Variants in ATG2B observed in about 807,000 individuals in gnomAD.
ATG2B encodes the protein autophagy related 2B, also known as autophagy-related protein 2 homolog B.
In ATG2B, 121 loss-of-function variants were observed where a neutral mutation model predicts 241.3. The observed-to-expected ratio is 0.50, with a 90% CI of 0.43 to 0.58. ATG2B has a LOEUF of 0.58. ATG2B is among the 20% of genes least tolerant of loss of function. The probability of loss-of-function intolerance (pLI) is 0.00; values close to 1 mark genes in which losing one functional copy is unlikely to be tolerated. For synonymous variants in ATG2B, 858 were observed against 876.6 expected (o/e 0.98, Z 0.37); for missense variants, 2,306 against 2,491.6 (o/e 0.93, Z 1.59).
In ATG2B at chr14:96,282,903, ATTTT is replaced by A. The variant is rs1886236385; in HGVS notation, c.*2848_*2851del. ...CTTAGGCACACTGCTACTTGGAAAG[ATTTT>A]TTAAGTGAACTTTGCCTTATAAAAA... is the stretch of plus-strand genomic sequence containing the variant. On this transcript the variant is annotated 3_prime_UTR_variant, in exon 42 of 42. Coordinates refer to ENST00000359933, the MANE Select transcript of ATG2B (RefSeq NM_018036.7). 6.6e-6 allele frequency: 1 copy of A among 152,218 alleles called. No homozygotes were observed. The highest frequency in any genetic ancestry group is 1.5e-5 in the Non-Finnish European group (1 of 68,042). The allele number at this position is 152,218 out of a possible 1,614,324, so 9.4% of individuals were successfully genotyped here. A position where few individuals can be genotyped will look rare whatever the true frequency, so the allele number is the denominator to read the frequency against.
chr14:96,342,013 C>T (rs1256183236), intron 5 of ATG2B, among the ~76,000 whole-genome samples: 1 of 151,936 alleles, frequency 6.6e-6, no homozygotes, highest in African/African-American at 2.4e-5. Flanking sequence ...TGTAAAATAA[C>T]AAAAAAGGCA....
At position 96,347,892 on chromosome 14, in the gene ATG2B, A is replaced by G. The variant is rs537997365; in HGVS notation, c.163-551T>C. ...CCTCATACACTGTTGGTGGAATTGT[A>G]AATTATTACACCCACTATGGAGAAC... On this transcript the variant is annotated intron_variant, in intron 1 of 41. Coordinates refer to ENST00000359933, the MANE Select transcript of ATG2B (RefSeq NM_018036.7). 3.9e-3 allele frequency among the ~76,000 whole-genome samples: 589 copies of G among 152,344 alleles called. 6 individuals are homozygous for G. The highest frequency in any genetic ancestry group is 0.013 in the African/African-American group (544 of 41,576).
At chr14:96,304,869 C>CTA (rs1311717173) in intron 31 of ATG2B, among the ~76,000 whole-genome samples, 3 of 152,146 alleles carry the variant, frequency 2.0e-5, no homozygotes, top group Non-Finnish European at 4.4e-5. Flanking sequence ...ATGCTGGGAT[C>CTA]CGTATCACAG....
At chr14:96,288,106 T>C (rs1354746350) in intron 41 of ATG2B, among the ~76,000 whole-genome samples, 1 of 151,914 alleles carries the variant, frequency 6.6e-6, no homozygotes, top group African/African-American at 2.4e-5. Flanking sequence ...CACCCTCCCT[T>C]CCCTCATTCT....
intron 6 of ATG2B, among the ~76,000 whole-genome samples, chr14:96,338,933 G>C (rs116290113): frequency 0.011 from 1,709 of 151,918 alleles, 33 homozygotes; most frequent in African/African-American, 0.039. Context: ...AAACAAATCG[G>C]CAAGAAAAAA....
At chr14:96,358,753 T>C (rs1301891720) in intron 1 of ATG2B, among the ~76,000 whole-genome samples, 1 of 144,892 alleles carries the variant, frequency 6.9e-6, no homozygotes, top group Non-Finnish European at 1.6e-5. Flanking sequence ...ACCAGTCCTA[T>C]CAAGTATTTT....
intron 29 of ATG2B, among the ~76,000 whole-genome samples, chr14:96,308,280 A>T (rs374382790): frequency 0.15 from 4,219 of 28,584 alleles, 423 homozygotes; most frequent in African/African-American, 0.27. Context: ...ATATATATAT[A>T]TATTTTTTTT....
rs1436435708 is a variant in ATG2B, at chr14:96,328,693, G to T, written c.1955C>A (p.Ser652Tyr). The T allele has an allele frequency of 6.2e-7, 1 of 1,609,670 alleles. No individual in the cohort carries two copies. Among genetic ancestry groups the T allele is most frequent in the Middle Eastern group, 1.7e-4 (1 of 6,028 alleles). Reference sequence around the variant, plus strand: ...TCTTACCTGGGGCCCTCTATTCTCAGAATGCTTATAATGAAGCTGAAGACA... The same window carrying T: ...TCTTACCTGGGGCCCTCTATTCTCATAATGCTTATAATGAAGCTGAAGACA... ...PVCLQLHYKH[S>Y]ENRGPQGNQA... The change falls in exon 13 of 42, where the codon TCT becomes TAT. Residue 652 changes from serine (S) to tyrosine (Y), a missense_variant. Ser to Tyr is a moderately radical substitution (Grantham distance 144). Coordinates refer to ENST00000359933, the MANE Select transcript of ATG2B (RefSeq NM_018036.7).
rs1424446454 is a variant in ATG2B, at chr14:96,289,253, C to T, written c.6006+403G>A. Among the ~76,000 whole-genome samples, 1 of 152,160 alleles carries T rather than the reference C, an allele frequency of 6.6e-6. No individual in the cohort carries two copies. The highest frequency in any genetic ancestry group is 2.4e-5 in the African/African-American group (1 of 41,444). On this transcript the variant is annotated intron_variant, in intron 41 of 41. Coordinates refer to ENST00000359933, the MANE Select transcript of ATG2B (RefSeq NM_018036.7). This position sits in a 1 kb window ranked among gnomAD's most constrained non-coding sequence, Gnocchi z 4.3. ...AACATGTACAAAAAAATATGTTCCA[C>T]GTTCAGCATAGTGAAGGCATGGGAA...
rs116026484 is a variant in ATG2B, at chr14:96,317,747, A to G, written c.2988T>C (p.Asn996=). 3,091 of 1,613,078 alleles carry G rather than the reference A, an allele frequency of 1.9e-3. 70 individuals carry two copies. The African/African-American group carries it at 0.037, about 19-fold the overall frequency. ...IGLSVASQLI[N]TFNKDSFSAF... ...CACTAAAACTATCTTTGTTGAAAGT[A>G]TTAATGAGCTGACTGGCTACTGAAA... The change falls in exon 19 of 42, where the codon AAT becomes AAC. Residue 996 remains asparagine, a synonymous_variant. Coordinates refer to ENST00000359933, the MANE Select transcript of ATG2B (RefSeq NM_018036.7).
chr14:96,297,363 CAGAT>C (rs1173458133), intron 34 of ATG2B, among the ~76,000 whole-genome samples: 1 of 151,338 alleles, frequency 6.6e-6, no homozygotes, highest in Non-Finnish European at 1.5e-5. Flanking sequence ...CACAAAACAA[CAGAT>C]AAAGAGATGC....
intron 20 of ATG2B, 91 bp downstream of exon 20, chr14:96,317,054 A>T (rs891453452): frequency 8.0e-7 from 1 of 1,242,630 alleles, no homozygotes; most frequent in African/African-American, 1.5e-5. Flanking sequence ...ACTTCAAAAT[A>T]TCAAATACTT....
intron 1 of ATG2B, among the ~76,000 whole-genome samples, chr14:96,352,097 T>C (rs990330206): frequency 1.3e-5 from 2 of 152,084 alleles, no homozygotes; most frequent in South Asian, 2.1e-4. Context: ...TGACAGACCA[T>C]GTATAGGATA....
intron 32 of ATG2B, 47 bp downstream of exon 32, chr14:96,304,448 C>A: frequency 1.4e-6 from 2 of 1,447,910 alleles, no homozygotes; most frequent in Non-Finnish European, 1.9e-6. Context: ...AAGAACCCCC[C>A]GCCAATATCC....
chr14:96,356,007 A>G (rs993442341), intron 1 of ATG2B, among the ~76,000 whole-genome samples: 3 of 151,980 alleles, frequency 2.0e-5, no homozygotes, highest in Admixed American at 2.0e-4. Context: ...CGTCTCTACT[A>G]AAGATACAAA....
chr14:96,342,971 A>G (rs763950448), intron 5 of ATG2B, 148 bp downstream of exon 5: 60 of 535,732 alleles, frequency 1.1e-4, no homozygotes, highest in Non-Finnish European at 1.6e-4. Flanking sequence ...TCTCTGAAAC[A>G]TATATTACCA....
rs111690701 is a variant in ATG2B, at chr14:96,283,303, C to A, written c.*2452G>T. 6.6e-6 allele frequency: 1 copy of A among 152,078 alleles called. No homozygotes were observed. Among genetic ancestry groups the A allele is most frequent in the Admixed American group, 6.5e-5 (1 of 15,280 alleles). 9.4% of individuals were successfully genotyped at this position (152,078 alleles called of 1,614,324 possible). A position where few individuals can be genotyped will look rare whatever the true frequency, so the allele number is the denominator to read the frequency against. Reference sequence around the variant, plus strand: ...TCTACTCTAGTCAGAAGCATGACACCAACCCAACCACCCAGGCACAGTGGC... The same window carrying A: ...TCTACTCTAGTCAGAAGCATGACACAAACCCAACCACCCAGGCACAGTGGC... On this transcript the variant is annotated 3_prime_UTR_variant, in exon 42 of 42. Transcript: ENST00000359933.
intron 41 of ATG2B, among the ~76,000 whole-genome samples, chr14:96,287,425 C>T (rs1886369466): frequency 6.6e-6 from 1 of 152,190 alleles, no homozygotes; most frequent in African/African-American, 2.4e-5. Context: ...GCTCTCCTCC[C>T]TATCCCACCT....
rs1038357314 is a variant in ATG2B, at chr14:96,289,298, T to A, written c.6006+358A>T. Among the ~76,000 whole-genome samples, 1 of 152,170 alleles carries A rather than the reference T, an allele frequency of 6.6e-6. No individual in the cohort carries two copies. The highest frequency in any genetic ancestry group is 1.5e-5 in the Non-Finnish European group (1 of 68,024). ...TGGGAATAGGATCAGGGTGGGAGAT[T>A]CATCTGAAAAGTTCTAGTTCTTAAG... On this transcript the variant is annotated intron_variant, in intron 41 of 41. Transcript: ENST00000359933. This position sits in a 1 kb window ranked among gnomAD's most constrained non-coding sequence, Gnocchi z 4.3.
Sources: allele counts gnomAD v4.1 joint callset (sites outside exome capture counted in the v4.1 genomes callset), GRCh38; gene constraint gnomAD v4.1.1; non-coding constraint Gnocchi (gnomAD v3.1); transcripts MANE v1.5; gene names NCBI Gene and HGNC (gene_info 2026-07-23, HGNC 2026-07-21).